Variants in NR1H4 observed in about 807,000 individuals in gnomAD.
NR1H4 encodes the protein nuclear receptor subfamily 1 group H member 4, also known as bile acid receptor.
NR1H4 carries 23 observed loss-of-function variants against 58.5 expected under a neutral mutation model. The observed-to-expected ratio is 0.39, with a 90% CI of 0.28 to 0.56. NR1H4 has a LOEUF of 0.56. Among genes scored for constraint, NR1H4 ranks in the 20% least tolerant of loss-of-function variants. The pLI is 0.58. For synonymous variants in NR1H4, 214 were observed against 198.0 expected, an observed-to-expected ratio of 1.08 and a Z score of -0.68; for missense variants, 487 against 576.9, an observed-to-expected ratio of 0.84 and a Z score of 1.60.
chr12:100,510,975 G>C lies in NR1H4; in HGVS notation c.277G>C (p.Ala93Pro). ...PGIYELRRMP[A>P]ETLYQGETEV... ...AATATATGAACTCAGGCGTATGCCA[G>C]CTGAGACTCTCTACCAGGGAGAAAC... is the stretch of plus-strand genomic sequence containing the variant. The change falls in exon 4 of 11, where the codon GCT becomes CCT. Residue 93 changes from alanine (A) to proline (P), a missense_variant. Ala to Pro is a conservative substitution (Grantham distance 27, BLOSUM62 -1). Coordinates refer to ENST00000392986, the MANE Select transcript of NR1H4 (RefSeq NM_001206979.2). 1 of 1,614,236 alleles carries C rather than the reference G, an allele frequency of 6.2e-7. No homozygotes were observed.
At chr12:100,506,746 G>A (rs555359332) in intron 3 of NR1H4, among the ~76,000 whole-genome samples, 208 of 152,298 alleles carry the variant, frequency 1.4e-3, no homozygotes, top group African/African-American at 4.9e-3. Context: ...TACCTCAGGT[G>A]ATCCACTCGC....
At chr12:100,536,402 CT>C (rs113077673) in intron 6 of NR1H4, 109 bp from the exon 7 acceptor site, 53,515 of 490,176 alleles carry the variant, frequency 0.11, 385 homozygotes, top group East Asian at 0.13. Context: ...GTATTTATGC[CT>C]TTTTTTTTTT....
At chr12:100,521,254 T>G (rs1954409702) in intron 4 of NR1H4, among the ~76,000 whole-genome samples, 1 of 152,178 alleles carries the variant, frequency 6.6e-6, no homozygotes, top group African/African-American at 2.4e-5. Context: ...TCATAAGTAT[T>G]TATAGCATCA....
At chr12:100,486,978 A>C (rs1380604680) in intron 1 of NR1H4, among the ~76,000 whole-genome samples, 1 of 152,212 alleles carries the variant, frequency 6.6e-6, no homozygotes, top group Non-Finnish European at 1.5e-5. Flanking sequence ...ACGTATGAAG[A>C]ACTCTGCCAA....
chr12:100,511,146 A>C lies in NR1H4; in HGVS notation c.445+3A>C. 6.2e-7 allele frequency: 1 copy of C among 1,614,224 alleles called. No individual in the cohort carries two copies. Among genetic ancestry groups the C allele is most frequent in the Non-Finnish European group, 8.5e-7 (1 of 1,180,028 alleles). On this transcript the variant is annotated splice_donor_region_variant and intron_variant, in intron 4 of 10. Coordinates refer to ENST00000392986, the MANE Select transcript of NR1H4 (RefSeq NM_001206979.2). ...ACTGACCTGTGAGGGGTGTAAAGGT[A>C]AGCATCTTTGATTGGCAGTTTTCTC...
At chr12:100,507,542 A>C (rs1953997659) in intron 3 of NR1H4, among the ~76,000 whole-genome samples, 1 of 151,982 alleles carries the variant, frequency 6.6e-6, no homozygotes, top group Non-Finnish European at 1.5e-5. Flanking sequence ...GGCTCACTAC[A>C]ACCACCACAT....
At chr12:100,546,022 C>T (rs1044520147) in intron 9 of NR1H4, among the ~76,000 whole-genome samples, 1 of 152,004 alleles carries the variant, frequency 6.6e-6, no homozygotes, top group Non-Finnish European at 1.5e-5. Context: ...GGACCTAGTC[C>T]GAGCTGCCCA....
intron 3 of NR1H4, chr12:100,503,359 C>T: frequency 6.3e-7 from 1 of 1,589,726 alleles, no homozygotes; most frequent in Non-Finnish European, 8.5e-7. Flanking sequence ...TACCTAGTCT[C>T]ATTTTCAGTG....
At chr12:100,556,296 C>T (rs947825917) in intron 9 of NR1H4, among the ~76,000 whole-genome samples, 11 of 151,698 alleles carry the variant, frequency 7.3e-5, no homozygotes, top group African/African-American at 2.2e-4. Flanking sequence ...GGAGAAACCC[C>T]GTATCTACTA....
chr12:100,526,104 C>G (rs1954549266), intron 4 of NR1H4, among the ~76,000 whole-genome samples: 1 of 150,736 alleles, frequency 6.6e-6, no homozygotes, highest in African/African-American at 2.4e-5. Context: ...TTTTATTGAT[C>G]TATTTAAAGA....
chr12:100,550,554 T>C (rs997862467), intron 9 of NR1H4, among the ~76,000 whole-genome samples: 2 of 152,024 alleles, frequency 1.3e-5, no homozygotes, highest in South Asian at 2.1e-4. Context: ...TTAGTAGAGA[T>C]GGAGTTTCAC....
At position 100,536,388 on chromosome 12, in the gene NR1H4, T is replaced by A. The variant is rs117459418; in HGVS notation, c.733-124T>A. 8.6e-4 allele frequency: 571 copies of A among 661,658 alleles called. 7 individuals are homozygous for A. The East Asian group carries it at 0.012, about 14-fold the overall frequency. The allele number at this position is 661,658 out of a possible 1,614,324, so 41.0% of individuals were successfully genotyped here. On this transcript the variant is annotated intron_variant, in intron 6 of 10. Transcript: ENST00000392986. ...ACACTCTCTTAGAACTCATAGTTCC[T>A]GCTGTATTTATGCCTTTTTTTTTTT...
chr12:100,536,442 T>G, intron 6 of NR1H4, 70 bp from the exon 7 acceptor site: 1 of 873,534 alleles, frequency 1.1e-6, no homozygotes, highest in Non-Finnish European at 2.0e-6. Flanking sequence ...TCCCTCCAGA[T>G]GAATGCACAT....
At chr12:100,534,588 A>T (rs1458567911) in intron 5 of NR1H4, among the ~76,000 whole-genome samples, 1 of 152,182 alleles carries the variant, frequency 6.6e-6, no homozygotes, top group African/African-American at 2.4e-5. Flanking sequence ...AAGCTCATTT[A>T]AAAATGATTA....
chr12:100,538,151 G>A (rs550217249), intron 8 of NR1H4, among the ~76,000 whole-genome samples: 1 of 152,274 alleles, frequency 6.6e-6, no homozygotes, highest in Non-Finnish European at 1.5e-5. Flanking sequence ...GTACCAGACT[G>A]ATGAAGGCCT....
intron 5 of NR1H4, among the ~76,000 whole-genome samples, 175 bp from the exon 6 acceptor site, chr12:100,534,715 C>G (rs1459816422): frequency 6.6e-6 from 1 of 152,192 alleles, no homozygotes; most frequent in Non-Finnish European, 1.5e-5. Flanking sequence ...ACTACTTGTT[C>G]AAGGTTAAGT....
At chr12:100,490,384 A>G (rs1290713206) in intron 1 of NR1H4, among the ~76,000 whole-genome samples, 1 of 152,196 alleles carries the variant, frequency 6.6e-6, no homozygotes, top group African/African-American at 2.4e-5. Context: ...ACAGAGGGAA[A>G]CCTGAAGTCA....
chr12:100,535,671 T>C (rs1171875097), intron 6 of NR1H4, among the ~76,000 whole-genome samples: 1 of 152,270 alleles, frequency 6.6e-6, no homozygotes, highest in African/African-American at 2.4e-5. Flanking sequence ...AAGAAAACTT[T>C]ATCCACATTT....
At chr12:100,479,960 C>G (rs1953344976) in intron 1 of NR1H4, among the ~76,000 whole-genome samples, 1 of 152,228 alleles carries the variant, frequency 6.6e-6, no homozygotes, top group Admixed American at 6.5e-5. Context: ...CTCTCCAAAA[C>G]TGTGTTCAAC....
Sources: gnomAD v4.1 joint callset for allele counts (sites outside exome capture counted in the v4.1 genomes callset) on GRCh38, gnomAD v4.1.1 for gene constraint, MANE v1.5 for transcripts, NCBI Gene and HGNC (gene_info 2026-07-23, HGNC 2026-07-21) for gene names.